Variants in ATG7 observed in about 807,000 individuals in gnomAD.
The protein encoded by ATG7 is autophagy related 7.
A neutral mutation model predicts 82.4 loss-of-function variants in ATG7; 70 were observed. The observed-to-expected ratio is 0.85, with a 90% CI of 0.70 to 1.04. The LOEUF is 1.04. Ranked by LOEUF, ATG7 falls within the 50% of genes least tolerant of loss-of-function variation. The pLI is 0.00. For missense variants in ATG7, 792 were observed against 864.3 expected, an observed-to-expected ratio of 0.92 and a Z score of 1.05; for synonymous variants, 287 against 313.0, an observed-to-expected ratio of 0.92 and a Z score of 0.88.
chr3:11,574,111 C>A, the ATG7 span, among the ~76,000 whole-genome samples: 1 of 152,256 alleles, frequency 6.6e-6, no homozygotes, highest in South Asian at 2.1e-4. Flanking sequence ...TCTCAGGCAC[C>A]AGGAACGGTG....
intron 20 of ATG7, among the ~76,000 whole-genome samples, chr3:11,483,903 A>G (rs1300574319): frequency 1.3e-5 from 2 of 152,198 alleles, no homozygotes; most frequent in Non-Finnish European, 2.9e-5. Flanking sequence ...GGCAAGAAAG[A>G]TGGAGAGAGA....
At chr3:11,540,643 A>AC (rs1479667828) in intron 20 of ATG7, among the ~76,000 whole-genome samples, 1 of 151,222 alleles carries the variant, frequency 6.6e-6, no homozygotes, top group Admixed American at 6.6e-5. Flanking sequence ...CCCATCTCAA[A>AC]AAAAAAAAGT....
chr3:11,462,009 T>A (rs2086355172), intron 20 of ATG7, among the ~76,000 whole-genome samples: 1 of 151,708 alleles, frequency 6.6e-6, no homozygotes, highest in Non-Finnish European at 1.5e-5. Context: ...CCAGCCTGGG[T>A]GACAGAGTGA....
At chr3:11,561,002 A>G (rs561839371), downstream of ATG7, among the ~76,000 whole-genome samples, 1 of 152,216 alleles carries the variant, frequency 6.6e-6, no homozygotes, top group South Asian at 2.1e-4. Context: ...GCAAGAGAGC[A>G]GAATACCGAG....
chr3:11,340,795 TTC>T, intron 12 of ATG7, 60 bp downstream of exon 12: 1 of 1,466,334 alleles, frequency 6.8e-7, no homozygotes, highest in African/African-American at 1.4e-5. Context: ...ACACACCAAG[TTC>T]TGTCAGGCCA....
chr3:11,447,777 C>A (rs1006367179), intron 20 of ATG7, among the ~76,000 whole-genome samples: 4 of 152,152 alleles, frequency 2.6e-5, no homozygotes, highest in Admixed American at 6.5e-5. Context: ...CTCTGGACAG[C>A]TGGCAGTAGA....
At position 11,544,620 on chromosome 3, in the gene ATG7, C is replaced by T. The variant is rs576096566; in HGVS notation, c.2080-10191C>T. Among the ~76,000 whole-genome samples the T allele has an allele frequency of 4.0e-4, 61 of 152,334 alleles. 3 individuals are homozygous for T. In the South Asian group the frequency reaches 0.012, roughly 31 times the overall value. On this transcript the variant is annotated intron_variant, in intron 20 of 20. Transcript: ENST00000693202. ...CCTGGGGATGCTCACAGTGCTTGCC[C>T]CCGCCCACCCCTGTCCTTCTGGGCC...
intron 3 of ATG7, among the ~76,000 whole-genome samples, chr3:11,292,498 G>C (rs1945150933): frequency 6.6e-6 from 1 of 152,092 alleles, no homozygotes; most frequent in African/African-American, 2.4e-5. Context: ...GACCTCAGGT[G>C]ATCTGCCCGC....
the ATG7 span, among the ~76,000 whole-genome samples, chr3:11,568,228 T>C: frequency 6.6e-6 from 1 of 152,220 alleles, no homozygotes; most frequent in Non-Finnish European, 1.5e-5. The surrounding 1 kb of genome is among the most constrained non-coding windows in gnomAD (Gnocchi z 5.9). Context: ...CATAAGGCAC[T>C]GCCCACCCCT....
rs540918090 is a variant in ATG7 at position 11,491,030 on chromosome 3, T to C, written c.2080-63781T>C. 1.1e-3 allele frequency among the ~76,000 whole-genome samples: 164 copies of C among 152,366 alleles called. 1 individual carries two copies. Among genetic ancestry groups the C allele is most frequent in the African/African-American group, 3.7e-3 (155 of 41,596 alleles). On this transcript the variant is annotated intron_variant, in intron 20 of 20. Coordinates refer to ENST00000693202, the MANE Select transcript of ATG7 (RefSeq NM_001349232.2). ...CTGAATGTTGGCCTACCTTGCTAGA[T>C]TGGGGAATTTCTCCTGAATAATATC...
Position 11,306,979 on chromosome 3 carries a change from T to C in ATG7, c.252T>C (p.Ile84=), listed in dbSNP as rs554316258. 6 of 1,614,092 alleles carry C rather than the reference T, an allele frequency of 3.7e-6. No homozygotes were observed. The East Asian group carries it at 1.1e-4, about 30-fold the overall frequency. The change falls in exon 6 of 21, where the codon ATT becomes ATC. Residue 84 remains isoleucine, a synonymous_variant. Transcript: ENST00000693202. ...APTPARCCPA[I]GTLYNTNTLE... ...CCCCAGCCCGTTGCTGCCCAGCTATTGGAACACTGTATAACACCAACACAC... is the reference window on the plus strand; with the variant it reads ...CCCCAGCCCGTTGCTGCCCAGCTATCGGAACACTGTATAACACCAACACAC...
At chr3:11,395,118 CA>C (rs2152880360) in intron 19 of ATG7, among the ~76,000 whole-genome samples, 1 of 151,976 alleles carries the variant, frequency 6.6e-6, no homozygotes, top group South Asian at 2.1e-4. Context: ...ACTGAAAATT[CA>C]AAAACAAAAT....
chr3:11,543,910 G>T (rs900644691), intron 20 of ATG7, among the ~76,000 whole-genome samples: 1 of 152,140 alleles, frequency 6.6e-6, no homozygotes. Context: ...GGTGGGCAGG[G>T]GCAAGGGCTG....
At chr3:11,454,707 C>T (rs755072100) in intron 20 of ATG7, among the ~76,000 whole-genome samples, 21 of 152,194 alleles carry the variant, frequency 1.4e-4, no homozygotes, top group Non-Finnish European at 2.6e-4. Context: ...TCAGGGGCAG[C>T]GTTTCAATCT....
chr3:11,403,730 T>A (rs1430845358), intron 19 of ATG7, among the ~76,000 whole-genome samples: 1 of 152,150 alleles, frequency 6.6e-6, no homozygotes, highest in Non-Finnish European at 1.5e-5. Flanking sequence ...ACCAACAACA[T>A]ATTAATGACC....
chr3:11,440,868 G>T (rs1471838466), intron 20 of ATG7, among the ~76,000 whole-genome samples: 1 of 151,152 alleles, frequency 6.6e-6, no homozygotes, highest in East Asian at 2.0e-4. Flanking sequence ...ATTTTTAGTA[G>T]AGATGGGGTT....
At chr3:11,277,061 C>G (rs1350432787) in intron 1 of ATG7, among the ~76,000 whole-genome samples, 2 of 152,186 alleles carry the variant, frequency 1.3e-5, no homozygotes, top group East Asian at 1.9e-4. Flanking sequence ...TTTCCATCTT[C>G]CAAGTCCAGG....
intron 20 of ATG7, among the ~76,000 whole-genome samples, chr3:11,462,744 G>T (rs1402602099): frequency 3.3e-5 from 5 of 151,996 alleles, no homozygotes; most frequent in African/African-American, 1.2e-4. Context: ...ACCCCCCCAG[G>T]GGCAGTCTTC....
At chr3:11,412,928 CTAAG>C (rs1278000345) in intron 19 of ATG7, among the ~76,000 whole-genome samples, 2 of 151,786 alleles carry the variant, frequency 1.3e-5, no homozygotes, top group Admixed American at 6.6e-5. Context: ...AAGTTAATTC[CTAAG>C]TATTATATTC....
Sources: gnomAD v4.1 joint callset for allele counts (sites outside exome capture counted in the v4.1 genomes callset) on GRCh38, gnomAD v4.1.1 for gene constraint, Gnocchi (gnomAD v3.1) non-coding constraint, MANE v1.5 for transcripts, NCBI Gene and HGNC (gene_info 2026-07-23, HGNC 2026-07-21) for gene names.